COL1A2: variants seen among roughly 807,000 people sequenced by gnomAD.
COL1A2 encodes the protein collagen type I alpha 2 chain, also known as collagen alpha-2(I) chain.
COL1A2 carries 49 observed loss-of-function variants against 174.3 expected under a neutral mutation model. The ratio of observed to expected loss-of-function variants is 0.28; its 90% CI spans 0.22 to 0.36. The LOEUF (loss-of-function observed/expected upper bound fraction) is 0.36, where lower values mean the gene tolerates loss of function less well. Ranked by LOEUF, COL1A2 falls within the 10% of genes least tolerant of loss-of-function variation. The pLI is 1.00. For missense variants in COL1A2, 1,438 were observed against 1,822.7 expected, an observed-to-expected ratio of 0.79 and a Z score of 3.84; for synonymous variants, 655 against 606.6, an observed-to-expected ratio of 1.08 and a Z score of -1.17.
At chr7:94,422,719 G>GA in intron 39 of COL1A2, 1 of 525,982 alleles carries the variant, frequency 1.9e-6, no homozygotes, top group South Asian at 2.1e-5. Flanking sequence ...TTTCCTCATA[G>GA]AAATTTGCCA....
rs1189422868 is a variant in COL1A2 at position 94,405,592 on chromosome 7, T to A, written c.487-81T>A. 3 of 1,315,162 alleles carry A rather than the reference T, an allele frequency of 2.3e-6. No individual in the cohort carries two copies. The African/African-American group carries it at 4.4e-5, about 19-fold the overall frequency. The allele number at this position is 1,315,162 out of a possible 1,614,324, so 81.5% of individuals were successfully genotyped here. Reference sequence around the variant, plus strand: ...TTCAAAGCTTGAACTTTGATGAGAATAAATACTTTGGAGGGAAGAAGTCAC... The same window carrying A: ...TTCAAAGCTTGAACTTTGATGAGAAAAAATACTTTGGAGGGAAGAAGTCAC... On this transcript the variant is annotated intron_variant, in intron 10 of 51. Transcript: ENST00000297268.
chr7:94,413,226 A>T, intron 26 of COL1A2, 90 bp downstream of exon 26: 2 of 1,335,186 alleles, frequency 1.5e-6, no homozygotes, highest in Non-Finnish European at 2.2e-6. Flanking sequence ...TCATTTTGTC[A>T]CTTTCTTTTC....
intron 37 of COL1A2, 44 bp downstream of exon 37, chr7:94,420,692 G>A (rs1792142000): frequency 6.7e-7 from 1 of 1,502,296 alleles, no homozygotes; most frequent in Non-Finnish European, 9.1e-7. Context: ...CTACCCATTA[G>A]ATCTTCCAAT....
intron 23 of COL1A2, among the ~76,000 whole-genome samples, 154 bp from the exon 24 acceptor site, chr7:94,411,914 A>T (rs1791936424): frequency 1.3e-5 from 2 of 152,224 alleles, no homozygotes; most frequent in Admixed American, 1.3e-4. Flanking sequence ...CTCTTTTCAC[A>T]CTTCCCAGCT....
chr7:94,407,861 C>T lies in COL1A2; in HGVS notation c.609C>T (p.Ala203=), dbSNP rs1255282581. The change falls in exon 13 of 52, where the codon GCC becomes GCT. Residue 203 remains alanine (A), a synonymous_variant. Transcript: ENST00000297268. ...GAPGVKGEPG[A]PGENGTPGQT... Reference sequence around the variant, plus strand: ...TCTCCATGTAGGGTGAACCTGGTGCCCCTGGTGAAAATGGAACTCCAGGTC... The same window carrying T: ...TCTCCATGTAGGGTGAACCTGGTGCTCCTGGTGAAAATGGAACTCCAGGTC... The T allele has an allele frequency of 1.2e-6, 2 of 1,613,744 alleles. No homozygotes were observed. Among genetic ancestry groups the T allele is most frequent in the African/African-American group, 2.7e-5 (2 of 74,886 alleles).
chr7:94,405,403 A>C (rs778794954), intron 10 of COL1A2, 151 bp downstream of exon 10: 45 of 805,886 alleles, frequency 5.6e-5, no homozygotes, highest in Non-Finnish European at 8.1e-5. Flanking sequence ...CCTAGTTAAA[A>C]AAAAATGCAT....
intron 21 of COL1A2, 43 bp from the exon 22 acceptor site, chr7:94,410,846 A>G: frequency 6.3e-7 from 1 of 1,599,790 alleles, no homozygotes; most frequent in Non-Finnish European, 8.6e-7. Context: ...ATCAAAGCCA[A>G]GAGATTTCTT....
intron 6 of COL1A2, among the ~76,000 whole-genome samples, chr7:94,402,495 T>G (rs1337254538): frequency 1.3e-5 from 2 of 151,992 alleles, no homozygotes; most frequent in Non-Finnish European, 2.9e-5. Context: ...GGAGCACCGC[T>G]TAGAAACATT....
At chr7:94,408,983 A>G (rs1040341419) in intron 16 of COL1A2, among the ~76,000 whole-genome samples, 160 bp downstream of exon 16, 1 of 152,188 alleles carries the variant, frequency 6.6e-6, no homozygotes, top group Non-Finnish European at 1.5e-5. Flanking sequence ...TTCTCACTCT[A>G]CATTTGAAAT....
chr7:94,429,103 T>TG, intron 50 of COL1A2, 85 bp from the exon 51 acceptor site: 1 of 1,037,748 alleles, frequency 9.6e-7, no homozygotes, highest in South Asian at 1.4e-5. Flanking sequence ...GAGATCTTTT[T>TG]TTTTCTTTTT....
intron 6 of COL1A2, 50 bp downstream of exon 6, chr7:94,401,670 C>A: frequency 7.4e-7 from 1 of 1,344,220 alleles, no homozygotes; most frequent in Non-Finnish European, 1.1e-6. Context: ...ATAAATCATT[C>A]ATTTTATGTC....
intron 39 of COL1A2, chr7:94,422,741 C>T (rs1792193220): frequency 1.7e-6 from 1 of 587,866 alleles, no homozygotes; most frequent in Non-Finnish European, 3.0e-6. Context: ...AGTCTCTCCT[C>T]CATTATTTGG....
chr7:94,406,711 C>T (rs1037534924), intron 12 of COL1A2, among the ~76,000 whole-genome samples: 12 of 152,144 alleles, frequency 7.9e-5, no homozygotes, highest in South Asian at 4.1e-4. Flanking sequence ...TGTCGCTATA[C>T]ACTTTTCAAC....
chr7:94,427,985 G>T lies in COL1A2; in HGVS notation c.3526+100G>T, dbSNP rs1347127581. On this transcript the variant is annotated intron_variant, in intron 49 of 51. Transcript: ENST00000297268. ...TAGAGTGAAAATGCATTTGGGTAAAGATTACATTATGTGAAATCACACCCA... is the reference window on the plus strand; with the variant it reads ...TAGAGTGAAAATGCATTTGGGTAAATATTACATTATGTGAAATCACACCCA... The T allele has an allele frequency of 1.2e-5, 15 of 1,298,742 alleles. No homozygotes were observed. In the East Asian group the frequency reaches 3.5e-4, roughly 30 times the overall value. 80.5% of individuals were successfully genotyped at this position (1,298,742 alleles called of 1,614,324 possible).
chr7:94,404,837 A>C lies in COL1A2; in HGVS notation c.379-2A>C, dbSNP rs1357890939. The C allele has an allele frequency of 6.2e-7, 1 of 1,614,098 alleles. No homozygotes were observed. The highest frequency in any genetic ancestry group is 1.7e-5 in the Admixed American group (1 of 60,010). ...GAAATGATGGGTCTCCCATTTTCTTAGGGTCCTGCAGGTGCTCGTGGTCCA... is the reference window on the plus strand; with the variant it reads ...GAAATGATGGGTCTCCCATTTTCTTCGGGTCCTGCAGGTGCTCGTGGTCCA... On this transcript the variant is annotated splice_acceptor_variant, in intron 8 of 51. Coordinates refer to ENST00000297268, the MANE Select transcript of COL1A2 (RefSeq NM_000089.4). LOFTEE classifies it high-confidence loss of function.
chr7:94,407,715 A>G lies in COL1A2; in HGVS notation c.595-132A>G. The G allele has an allele frequency of 3.9e-6, 3 of 768,380 alleles. No homozygotes were observed. In the South Asian group the frequency reaches 5.2e-5, roughly 13 times the overall value. 47.6% of individuals were successfully genotyped at this position (768,380 alleles called of 1,614,324 possible). ...TCTGTGTGTCTGGCATAATTGAAAA[A>G]CAATCTATATGTGTAAGAAATATTA... On this transcript the variant is annotated intron_variant, in intron 12 of 51. Coordinates refer to ENST00000297268, the MANE Select transcript of COL1A2 (RefSeq NM_000089.4).
At chr7:94,409,534 G>C in intron 17 of COL1A2, 30 bp from the exon 18 acceptor site, 1 of 1,614,010 alleles carries the variant, frequency 6.2e-7, no homozygotes, top group Non-Finnish European at 8.5e-7. Context: ...CCAATTAACT[G>C]ATATCCTTCT....
Position 94,409,797 on chromosome 7 carries a change from T to C in COL1A2, c.1011T>C (p.Gly337=). Residue 337 remains glycine, a synonymous_variant, in exon 19 of 52, where the codon GGT becomes GGC. Coordinates refer to ENST00000297268, the MANE Select transcript of COL1A2 (RefSeq NM_000089.4). ...TTCCTGGCCCTGTTGGTGCTGCCGG[T>C]GCTACTGGTGCCAGAGGACTTGTTG... ...RGIPGPVGAA[G]ATGARGLVGE... is the part of the protein sequence containing the mutation. The C allele has an allele frequency of 6.2e-7, 1 of 1,614,152 alleles. No homozygotes were observed. Among genetic ancestry groups the C allele is most frequent in the Non-Finnish European group, 8.5e-7 (1 of 1,180,038 alleles).
chr7:94,395,072 C>G lies in COL1A2; in HGVS notation c.41C>G (p.Ala14Gly). The stretch of plus-strand genomic sequence containing the variant: ...GATACGCGGACTTTGTTGCTGCTTG[C>G]AGTAACCTTATGCCTAGCAACATGC... ...FVDTRTLLLLAVTLCLATCQS... is the reference protein window; with the variant it reads ...FVDTRTLLLLGVTLCLATCQS... The change falls in exon 1 of 52, where the codon GCA becomes GGA. Residue 14 changes from alanine (A) to glycine (G), a missense_variant. Around this residue, in one of 3 missense-constraint regions of COL1A2, gnomAD observed 281 missense variants for 310.9 expected, o/e 0.90. Transcript: ENST00000297268. The G allele has an allele frequency of 3.7e-6, 6 of 1,614,034 alleles. No homozygotes were observed. The highest frequency in any genetic ancestry group is 5.1e-6 in the Non-Finnish European group (6 of 1,179,982).
Sources: gnomAD v4.1 joint callset for allele counts (sites outside exome capture counted in the v4.1 genomes callset) on GRCh38, gnomAD v4.1.1 for gene constraint, gnomAD v4.1.1 regional missense constraint, MANE v1.5 for transcripts, NCBI Gene and HGNC (gene_info 2026-07-23, HGNC 2026-07-21) for gene names.